Variants in ABCA8 observed in about 807,000 individuals in gnomAD.
ABCA8 encodes ATP binding cassette subfamily A member 8.
In ABCA8, 177 loss-of-function variants were observed where a neutral mutation model predicts 192.3. That is an observed-to-expected ratio of 0.92 (90% CI 0.81 to 1.04). The LOEUF is 1.04. Ranked by LOEUF, ABCA8 falls within the 50% of genes least tolerant of loss-of-function variation. The probability of loss-of-function intolerance (pLI) is 0.00; values close to 1 mark genes in which losing one functional copy is unlikely to be tolerated. For synonymous variants in ABCA8, 642 were observed against 690.2 expected (o/e 0.93, Z 1.09); for missense variants, 1,915 against 1,904.8 (o/e 1.01, Z -0.10).
intron 1 of ABCA8, among the ~76,000 whole-genome samples, chr17:68,949,829 C>T (rs974577667): frequency 1.3e-5 from 2 of 152,116 alleles, no homozygotes; most frequent in Non-Finnish European, 2.9e-5. Context: ...AGAGCCATAG[C>T]CAATATCATA....
At chr17:68,931,859 C>T (rs2143700561) in intron 7 of ABCA8, 1 of 125,804 alleles carries the variant, frequency 7.9e-6, no homozygotes, top group African/African-American at 2.9e-5. Context: ...TGAAATTATT[C>T]TGTGTAGGTA....
intron 9 of ABCA8, 123 bp downstream of exon 9, chr17:68,928,926 C>T: frequency 1.2e-6 from 1 of 833,676 alleles, no homozygotes; most frequent in Non-Finnish European, 1.6e-6. Flanking sequence ...TGCAACTTTA[C>T]AACAGCCTTC....
Position 68,882,496 on chromosome 17 carries a change from C to T in ABCA8, c.3828+103G>A, listed in dbSNP as rs1054468053. On this transcript the variant is annotated intron_variant, in intron 30 of 39. Coordinates refer to ENST00000586539, the MANE Select transcript of ABCA8 (RefSeq NM_001288985.2). Reference sequence around the variant, plus strand: ...TAATCGTAAAAATGGCAATTACCTACTAAAATAGTGATCCTCATTTGTAAG... The same window carrying T: ...TAATCGTAAAAATGGCAATTACCTATTAAAATAGTGATCCTCATTTGTAAG... The T allele has an allele frequency of 4.4e-5, 48 of 1,097,460 alleles. No homozygotes were observed. The African/African-American group carries it at 7.2e-4, about 16-fold the overall frequency. 68.0% of individuals were successfully genotyped at this position (1,097,460 alleles called of 1,614,324 possible).
At chr17:68,951,171 T>A (rs1474743006) in intron 1 of ABCA8, among the ~76,000 whole-genome samples, 1 of 152,176 alleles carries the variant, frequency 6.6e-6, no homozygotes, top group Non-Finnish European at 1.5e-5. Flanking sequence ...CTGTGTGTTG[T>A]TATTTGGGTT....
In ABCA8 at chr17:68,867,945, C is replaced by A. The variant is rs1169782725; in HGVS notation, c.*140G>T. 2.9e-6 allele frequency: 2 copies of A among 694,586 alleles called. No individual in the cohort carries two copies. Among genetic ancestry groups the A allele is most frequent in the African/African-American group, 1.8e-5 (1 of 55,280 alleles). 43.0% of individuals were successfully genotyped at this position (694,586 alleles called of 1,614,324 possible). A position where few individuals can be genotyped will look rare whatever the true frequency, so the allele number is the denominator to read the frequency against. ...ACACTGACATGGCACTTACCCAGCA[C>A]CCGAACCTCCTCCTCCCACCACACG... On this transcript the variant is annotated 3_prime_UTR_variant, in exon 40 of 40. Transcript: ENST00000586539.
chr17:68,903,183 T>A, intron 20 of ABCA8, 118 bp downstream of exon 20: 1 of 1,089,866 alleles, frequency 9.2e-7, no homozygotes, highest in Non-Finnish European at 1.3e-6. Flanking sequence ...TGTGATGCTT[T>A]CCCTTTCTGC....
chr17:68,906,822 A>G (rs2067079961), intron 18 of ABCA8, among the ~76,000 whole-genome samples: 1 of 152,128 alleles, frequency 6.6e-6, no homozygotes, highest in Admixed American at 6.5e-5. Flanking sequence ...AAATATACTT[A>G]CGCATCTGTC....
At chr17:68,903,592 C>T (rs3744496) in intron 19 of ABCA8, 93 bp from the exon 20 acceptor site, 512,841 of 1,168,710 alleles carry the variant, frequency 0.44, 115,422 homozygotes, top group Admixed American at 0.55. Context: ...GACTCTTCCG[C>T]GTTACTATAG....
chr17:68,877,762 C>T (rs1026288508), intron 32 of ABCA8, 83 bp from the exon 33 acceptor site: 2 of 1,371,824 alleles, frequency 1.5e-6, no homozygotes, highest in African/African-American at 2.9e-5. Context: ...CTTCACGAAC[C>T]TAGAAAAACT....
chr17:68,885,786 G>A (rs1453024413), intron 26 of ABCA8, among the ~76,000 whole-genome samples: 1 of 152,092 alleles, frequency 6.6e-6, no homozygotes, highest in Non-Finnish European at 1.5e-5. Context: ...TTGGGCTCAA[G>A]TGATCCACTG....
chr17:68,950,663 ATCC>A (rs980200883), intron 1 of ABCA8, among the ~76,000 whole-genome samples: 13 of 152,102 alleles, frequency 8.5e-5, no homozygotes, highest in African/African-American at 3.1e-4. Flanking sequence ...TTATTAATTT[ATCC>A]TCTTACTTTT....
chr17:68,890,579 C>T (rs138786274), intron 24 of ABCA8, among the ~76,000 whole-genome samples: 2,552 of 152,142 alleles, frequency 0.017, 75 homozygotes, highest in African/African-American at 0.058. Context: ...AGTGCAGTGG[C>T]GCAATCTCAG....
At chr17:68,914,383 T>C (rs2067300667) in intron 17 of ABCA8, among the ~76,000 whole-genome samples, 2 of 152,150 alleles carry the variant, frequency 1.3e-5, no homozygotes, top group Admixed American at 6.5e-5. Flanking sequence ...TATGATCTTA[T>C]ATTTGAAAAA....
intron 31 of ABCA8, among the ~76,000 whole-genome samples, chr17:68,881,567 C>T (rs1488678247): frequency 6.6e-6 from 1 of 152,216 alleles, no homozygotes; most frequent in African/African-American, 2.4e-5. Flanking sequence ...TCTTGGTTCT[C>T]TTGTGAAAAA....
chr17:68,872,783 T>G (rs1195328089), intron 37 of ABCA8, among the ~76,000 whole-genome samples: 1 of 151,692 alleles, frequency 6.6e-6, no homozygotes, highest in African/African-American at 2.4e-5. Flanking sequence ...CACTTTTTAA[T>G]AAAAAATGTT....
chr17:68,923,489 C>T (rs570082166), intron 11 of ABCA8, among the ~76,000 whole-genome samples: 7 of 152,062 alleles, frequency 4.6e-5, no homozygotes, highest in Non-Finnish European at 1.0e-4. Flanking sequence ...TGTGAGCCAC[C>T]GCTCCTGGCC....
chr17:68,876,770 C>A (rs113143298), intron 33 of ABCA8, 67 bp from the exon 34 acceptor site: 1 of 1,596,934 alleles, frequency 6.3e-7, no homozygotes, highest in Admixed American at 1.7e-5. Flanking sequence ...ATAACCCAAG[C>A]AAGGGTGGAG....
Position 68,873,130 on chromosome 17 carries a change from G to A in ABCA8, c.4631+2130C>T, listed in dbSNP as rs544053534. On this transcript the variant is annotated intron_variant, in intron 37 of 39. Coordinates refer to ENST00000586539, the MANE Select transcript of ABCA8 (RefSeq NM_001288985.2). ...AGCTACATCCAGTCTTGCAAGCTGC[G>A]TTCATGGTAAGTGCCCTATACAGGT... 9.9e-5 allele frequency among the ~76,000 whole-genome samples: 15 copies of A among 152,206 alleles called. No homozygotes were observed. The South Asian group carries it at 1.5e-3, about 15-fold the overall frequency.
In ABCA8 at chr17:68,906,007, G is replaced by A. The variant is rs745389375; in HGVS notation, c.2398+37C>T. 1.2e-5 allele frequency: 18 copies of A among 1,511,196 alleles called. No individual in the cohort carries two copies. The Admixed American group carries it at 3.2e-4, about 27-fold the overall frequency. The allele number at this position is 1,511,196 out of a possible 1,614,324, so 93.6% of individuals were successfully genotyped here. A position where few individuals can be genotyped will look rare whatever the true frequency, so the allele number is the denominator to read the frequency against. On this transcript the variant is annotated intron_variant, in intron 19 of 39. Transcript: ENST00000586539. ...TTGGAACAGTGTGTTCTTGAAATATGTGCTTTTACATAATAATTTTCATGC... is the reference window on the plus strand; with the variant it reads ...TTGGAACAGTGTGTTCTTGAAATATATGCTTTTACATAATAATTTTCATGC...
Sources: allele counts gnomAD v4.1 joint callset (sites outside exome capture counted in the v4.1 genomes callset), GRCh38; gene constraint gnomAD v4.1.1; transcripts MANE v1.5; gene names NCBI Gene and HGNC (gene_info 2026-07-23, HGNC 2026-07-21).